ATP5F1C: variants seen among roughly 807,000 people sequenced by gnomAD.
ATP5F1C encodes ATP synthase F(1) complex subunit gamma, mitochondrial.
In ATP5F1C, 22 loss-of-function variants were observed where a neutral mutation model predicts 37.4. The ratio of observed to expected loss-of-function variants is 0.59; its 90% CI spans 0.42 to 0.84. ATP5F1C has a LOEUF of 0.84. Ranked by LOEUF, ATP5F1C falls within the 40% of genes least tolerant of loss-of-function variation. ATP5F1C has a pLI of 0.00. For synonymous variants in ATP5F1C, 121 were observed against 128.0 expected (o/e 0.95, Z 0.37); for missense variants, 286 against 362.4 (o/e 0.79, Z 1.71).
chr10:7,797,200 C>A (rs1371132673), intron 3 of ATP5F1C, 22 bp downstream of exon 3: 1 of 1,608,412 alleles, frequency 6.2e-7, no homozygotes, highest in Non-Finnish European at 8.5e-7. Context: ...GTGTAATTCA[C>A]AAATTAGGAA....
At chr10:7,800,116 AT>A in intron 6 of ATP5F1C, 25 bp downstream of exon 6, 3 of 1,603,026 alleles carry the variant, frequency 1.9e-6, no homozygotes, top group Non-Finnish European at 1.7e-6. Flanking sequence ...TATGATACAT[AT>A]TTTTTGGCAT....
At chr10:7,806,595 A>G (rs913629519) in intron 8 of ATP5F1C, among the ~76,000 whole-genome samples, 2 of 151,724 alleles carry the variant, frequency 1.3e-5, no homozygotes, top group Admixed American at 1.3e-4. Flanking sequence ...AGGAGGTTGC[A>G]GTGAGCTGAG....
At chr10:7,802,449 C>A in intron 7 of ATP5F1C, 24 bp downstream of exon 7, 1 of 1,591,352 alleles carries the variant, frequency 6.3e-7, no homozygotes. Flanking sequence ...ATGGACAGTG[C>A]CAGCAGGAGT....
At chr10:7,795,973 C>A (rs899494084) in intron 1 of ATP5F1C, 148 bp from the exon 2 acceptor site, 6 of 612,066 alleles carry the variant, frequency 9.8e-6, no homozygotes, top group Non-Finnish European at 1.4e-5. Flanking sequence ...AAATATATGT[C>A]TATTCATATA....
At chr10:7,793,801 T>G (rs1046420559) in intron 1 of ATP5F1C, among the ~76,000 whole-genome samples, 2 of 152,242 alleles carry the variant, frequency 1.3e-5, no homozygotes, top group African/African-American at 4.8e-5. Context: ...TTTATTAAAT[T>G]TGTAAAGTCA....
At position 7,796,069 on chromosome 10, in the gene ATP5F1C, A is replaced by G. The variant is rs889403642; in HGVS notation, c.57-52A>G. On this transcript the variant is annotated intron_variant, in intron 1 of 9. Coordinates refer to ENST00000356708, the MANE Select transcript of ATP5F1C (RefSeq NM_001001973.3). ...TATTAACTGAAAGTTTTTCTTGTAT[A>G]ATGGAACTATTTTTCAAAAAACTGA... is the stretch of plus-strand genomic sequence containing the variant. 12 of 1,416,796 alleles carry G rather than the reference A, an allele frequency of 8.5e-6. No individual in the cohort carries two copies. The African/African-American group carries it at 1.7e-4, about 20-fold the overall frequency. The allele number at this position is 1,416,796 out of a possible 1,614,324, so 87.8% of individuals were successfully genotyped here.
At chr10:7,795,769 C>T (rs953560955) in intron 1 of ATP5F1C, among the ~76,000 whole-genome samples, 7 of 152,052 alleles carry the variant, frequency 4.6e-5, no homozygotes, top group Admixed American at 2.0e-4. Context: ...GGCCTTGATT[C>T]GAAGTATAGT....
chr10:7,796,984 A>G, intron 2 of ATP5F1C, 63 bp from the exon 3 acceptor site: 1 of 1,556,414 alleles, frequency 6.4e-7, no homozygotes, highest in East Asian at 2.3e-5. Flanking sequence ...AAATATGTCA[A>G]TAAATTCACA....
At chr10:7,800,790 C>T (rs1003510155) in intron 6 of ATP5F1C, among the ~76,000 whole-genome samples, 14 of 152,210 alleles carry the variant, frequency 9.2e-5, no homozygotes, top group Non-Finnish European at 2.1e-4. Context: ...CCACTGCACC[C>T]GGCCGATCTG....
intron 8 of ATP5F1C, 85 bp downstream of exon 8, chr10:7,802,939 T>C: frequency 8.1e-7 from 1 of 1,238,280 alleles, no homozygotes; most frequent in South Asian, 1.4e-5. Context: ...AGTTTTTCGT[T>C]TTTTTCTTTT....
At chr10:7,802,069 T>C (rs959858551) in intron 6 of ATP5F1C, among the ~76,000 whole-genome samples, 2 of 152,230 alleles carry the variant, frequency 1.3e-5, no homozygotes, top group Non-Finnish European at 2.9e-5. Context: ...AAATGGTTTA[T>C]TTACACATTA....
At chr10:7,796,796 A>G (rs1015519096) in intron 2 of ATP5F1C, 42 of 261,644 alleles carry the variant, frequency 1.6e-4, no homozygotes, top group East Asian at 4.9e-4. Context: ...GTGTTAGCCA[A>G]GATGGTCTTG....
At chr10:7,806,523 G>C (rs1186905215) in intron 8 of ATP5F1C, among the ~76,000 whole-genome samples, 2 of 152,050 alleles carry the variant, frequency 1.3e-5, no homozygotes, top group Non-Finnish European at 2.9e-5. Flanking sequence ...TGGGCGTGGT[G>C]GCGGGCACCT....
chr10:7,791,377 G>A (rs1420103399), intron 1 of ATP5F1C, among the ~76,000 whole-genome samples: 2 of 152,142 alleles, frequency 1.3e-5, no homozygotes, highest in Non-Finnish European at 2.9e-5. Flanking sequence ...GCTGGTGGCA[G>A]GTAATGGACT....
At chr10:7,804,296 A>G (rs889608515) in intron 8 of ATP5F1C, 1 of 462,858 alleles carries the variant, frequency 2.2e-6, no homozygotes, top group African/African-American at 2.0e-5. Context: ...CTCATTCTGC[A>G]GAAACACTCG....
At chr10:7,805,648 G>A (rs1836461145) in intron 8 of ATP5F1C, among the ~76,000 whole-genome samples, 1 of 150,932 alleles carries the variant, frequency 6.6e-6, no homozygotes, top group African/African-American at 2.4e-5. Context: ...TATGGAGGCT[G>A]AGGCAGGAGA....
chr10:7,793,519 A>T (rs1163117859), intron 1 of ATP5F1C, among the ~76,000 whole-genome samples: 1 of 152,188 alleles, frequency 6.6e-6, no homozygotes, highest in Non-Finnish European at 1.5e-5. Flanking sequence ...TGTTTTGGAT[A>T]CAAGTCCTTT....
rs775142496 is a variant in ATP5F1C, at chr10:7,798,962, A to C, written c.224-28A>C. On this transcript the variant is annotated intron_variant, in intron 3 of 9. Coordinates refer to ENST00000356708, the MANE Select transcript of ATP5F1C (RefSeq NM_001001973.3). The stretch of plus-strand genomic sequence containing the variant: ...TTGTATTTAGTGTATTGCATATAAA[A>C]AAATTACTGCTTTTGTTTGTTTTTA... The C allele has an allele frequency of 1.9e-6, 3 of 1,600,574 alleles. No homozygotes were observed. In the Admixed American group the frequency reaches 5.1e-5, roughly 27 times the overall value.
chr10:7,798,963 A>C, intron 3 of ATP5F1C, 27 bp from the exon 4 acceptor site: 1 of 1,601,214 alleles, frequency 6.2e-7, no homozygotes, highest in Non-Finnish European at 8.5e-7. Context: ...GCATATAAAA[A>C]AATTACTGCT....
Sources: allele counts gnomAD v4.1 joint callset (sites outside exome capture counted in the v4.1 genomes callset), GRCh38; gene constraint gnomAD v4.1.1; transcripts MANE v1.5; gene names NCBI Gene and HGNC (gene_info 2026-07-23, HGNC 2026-07-21).